Variants in CDC27 observed in about 807,000 individuals in gnomAD.
The protein encoded by CDC27 is cell division cycle protein 27 homolog.
In CDC27, 27 loss-of-function variants were observed where a neutral mutation model predicts 109.7. That is an observed-to-expected ratio of 0.25 (90% CI 0.18 to 0.34). The LOEUF (loss-of-function observed/expected upper bound fraction) is 0.34. CDC27 is among the 10% of genes least tolerant of loss of function. The pLI is 1.00. For synonymous variants in CDC27, 266 were observed against 333.9 expected, an observed-to-expected ratio of 0.80 and a Z score of 2.22; for missense variants, 579 against 960.2, an observed-to-expected ratio of 0.60 and a Z score of 5.25.
intron 1 of CDC27, among the ~76,000 whole-genome samples, chr17:47,184,829 A>G (rs571880831): frequency 1.6e-4 from 24 of 152,372 alleles, no homozygotes; most frequent in Non-Finnish European, 2.9e-4. Context: ...GAACAGGGCT[A>G]AAATCAGCAC....
intron 1 of CDC27, among the ~76,000 whole-genome samples, 186 bp from the exon 2 acceptor site, chr17:47,181,823 T>C (rs1455579108): frequency 6.6e-6 from 1 of 152,104 alleles, no homozygotes; most frequent in Non-Finnish European, 1.5e-5. Flanking sequence ...TCCTAACATA[T>C]CTGAATTTCC....
At chr17:47,172,113 A>G (rs770652924) in intron 2 of CDC27, 49 bp from the exon 3 acceptor site, 21 of 1,284,002 alleles carry the variant, frequency 1.6e-5, no homozygotes, top group Admixed American at 3.5e-5. Flanking sequence ...ATATTGAATG[A>G]TAATCAGTTT....
intron 4 of CDC27, among the ~76,000 whole-genome samples, chr17:47,168,999 T>C (rs9911450): frequency 6.8e-6 from 1 of 147,756 alleles, no homozygotes; most frequent in African/African-American, 2.6e-5. Context: ...TTTTTTCTTT[T>C]TTTTTTTTTG....
intron 14 of CDC27, among the ~76,000 whole-genome samples, 169 bp from the exon 15 acceptor site, chr17:47,132,543 G>C (rs1174736407): frequency 1.3e-5 from 2 of 151,726 alleles, no homozygotes; most frequent in South Asian, 4.2e-4. Context: ...AATCATTAAA[G>C]CATTTTATTT....
intron 4 of CDC27, among the ~76,000 whole-genome samples, chr17:47,161,483 G>A (rs1303164428): frequency 6.6e-6 from 1 of 152,190 alleles, no homozygotes; most frequent in East Asian, 1.9e-4. Flanking sequence ...AGGCACGGTG[G>A]CTCATGCCTG....
At chr17:47,159,552 T>C (rs369624230) in intron 4 of CDC27, 1 of 492,926 alleles carries the variant, frequency 2.0e-6, no homozygotes, top group African/African-American at 2.0e-5. Flanking sequence ...GGCTTGCCAA[T>C]CTTGTTCCCC....
intron 14 of CDC27, among the ~76,000 whole-genome samples, chr17:47,132,772 T>TTATTAC (rs2062389747): frequency 7.2e-6 from 1 of 138,504 alleles, no homozygotes; most frequent in Non-Finnish European, 1.5e-5. Flanking sequence ...ATTATTATTA[T>TTATTAC]TATTATTATA....
chr17:47,182,130 T>C (rs1192358464), intron 1 of CDC27, among the ~76,000 whole-genome samples: 1 of 152,324 alleles, frequency 6.6e-6, no homozygotes, highest in East Asian at 1.9e-4. Flanking sequence ...GTGATATACA[T>C]GACAGAGATA....
At chr17:47,127,554 C>T (rs1344157815) in intron 16 of CDC27, among the ~76,000 whole-genome samples, 1 of 151,982 alleles carries the variant, frequency 6.6e-6, no homozygotes, top group Non-Finnish European at 1.5e-5. Flanking sequence ...AGGTGCCCAC[C>T]ACCATGCCCG....
Position 47,157,306 on chromosome 17 carries a change from G to A in CDC27, c.554C>T (p.Thr185Ile). ...NFSNCLPNSC[T>I]TQVPNHSLSH... ...TAAACTATGATTAGGTACTTGTGTTGTGCAAGAGTTGGGCAGACAGTTGCT... is the reference window on the plus strand; with the variant it reads ...TAAACTATGATTAGGTACTTGTGTTATGCAAGAGTTGGGCAGACAGTTGCT... Residue 185 changes from threonine to isoleucine, a missense_variant, in exon 6 of 19, where the codon ACA (threonine) becomes ATA (isoleucine). Physicochemically the swap from Thr to Ile is moderately conservative, Grantham distance 89. This residue lies in a region of CDC27 where 57 missense variants were observed against 59.0 expected (regional missense o/e 0.97). Transcript: ENST00000066544. 6.2e-7 allele frequency: 1 copy of A among 1,612,232 alleles called. No individual in the cohort carries two copies. The highest frequency in any genetic ancestry group is 8.5e-7 in the Non-Finnish European group (1 of 1,178,672).
Position 47,122,435 on chromosome 17 carries a change from G to A in CDC27, c.2392+9C>T. 1 of 1,566,410 alleles carries A rather than the reference G, an allele frequency of 6.4e-7. No individual in the cohort carries two copies. The highest frequency in any genetic ancestry group is 2.3e-5 in the East Asian group (1 of 43,982). On this transcript the variant is annotated intron_variant, in intron 18 of 18. Coordinates refer to ENST00000066544, the MANE Select transcript of CDC27 (RefSeq NM_001256.6). ...TCTAAATACTCAAAATCATATGTAT[G>A]ATACTTACTGATCTGTTCTTCTTGG...
chr17:47,154,759 T>C lies in CDC27; in HGVS notation c.870A>G (p.Pro290=). The C allele has an allele frequency of 6.2e-7, 1 of 1,606,978 alleles. No homozygotes were observed. Among genetic ancestry groups the C allele is most frequent in the Non-Finnish European group, 8.5e-7 (1 of 1,174,228 alleles). The change falls in exon 8 of 19, where the codon CCA becomes CCG. Residue 290 remains proline, a synonymous_variant. Coordinates refer to ENST00000066544, the MANE Select transcript of CDC27 (RefSeq NM_001256.6). The part of the protein sequence containing the change: ...PSFGILPLET[P]SPGDGSYLQN... The stretch of plus-strand genomic sequence containing the variant: ...GTAAATAGGATCCATCTCCAGGACT[T>C]GGGGTTTCTAATGGCAAAATCCCAA...
chr17:47,167,781 T>C (rs1224373403), intron 4 of CDC27, among the ~76,000 whole-genome samples: 1 of 152,184 alleles, frequency 6.6e-6, no homozygotes, highest in African/African-American at 2.4e-5. Context: ...TCTGATACCA[T>C]CTACCTGTAG....
At position 47,138,908 on chromosome 17, in the gene CDC27, T is replaced by C; in HGVS notation, c.1552-17A>G. ...TCTTTCAGCCTGAAATAAAAAAAAC[T>C]AGTAAGAGAAAACAAGTTGATACAA... On this transcript the variant is annotated splice_polypyrimidine_tract_variant and intron_variant, in intron 12 of 18. Transcript: ENST00000066544. 6.6e-7 allele frequency: 1 copy of C among 1,522,584 alleles called. No individual in the cohort carries two copies. Among genetic ancestry groups the C allele is most frequent in the Non-Finnish European group, 8.9e-7 (1 of 1,123,380 alleles). 94.3% of individuals were successfully genotyped at this position (1,522,584 alleles called of 1,614,324 possible). A position where few individuals can be genotyped will look rare whatever the true frequency, so the allele number is the denominator to read the frequency against.
chr17:47,141,845 A>T lies in CDC27; in HGVS notation c.1551+8T>A, dbSNP rs201296720. The T allele has an allele frequency of 1.1e-5, 17 of 1,559,050 alleles. No individual in the cohort carries two copies. Among genetic ancestry groups the T allele is most frequent in the Non-Finnish European group, 1.4e-5 (16 of 1,154,518 alleles). Reference sequence around the variant, plus strand: ...AGAAAGGCATATATAACCATTTTCTATACTTACTTGCATGTACTCTGAAAG... The same window carrying T: ...AGAAAGGCATATATAACCATTTTCTTTACTTACTTGCATGTACTCTGAAAG... On this transcript the variant is annotated splice_region_variant and intron_variant, in intron 12 of 18. Transcript: ENST00000066544.
chr17:47,143,954 T>C lies in CDC27; in HGVS notation c.1099A>G (p.Ile367Val), dbSNP rs778807988. ...GGCAGTGCGTTTGGGGGAGATGTAA[T>C]AGTGGGGCTCAATACCTGAGGTGTT... is the stretch of plus-strand genomic sequence containing the variant. ...STTPQVLSPT[I>V]TSPPNALPRR... The change falls in exon 10 of 19, where the codon ATT (isoleucine) becomes GTT (valine). Residue 367 changes from isoleucine to valine, a missense_variant. By Grantham distance (29) the Ile-to-Val change is conservative (BLOSUM62 3). Around this residue, in one of 9 missense-constraint regions of CDC27, gnomAD observed 51 missense variants for 43.8 expected, o/e 1.16. Coordinates refer to ENST00000066544, the MANE Select transcript of CDC27 (RefSeq NM_001256.6). 5.1e-5 allele frequency: 75 copies of C among 1,477,614 alleles called. No individual in the cohort carries two copies. The highest frequency in any genetic ancestry group is 6.3e-5 in the Non-Finnish European group (70 of 1,105,734). The allele number at this position is 1,477,614 out of a possible 1,614,324, so 91.5% of individuals were successfully genotyped here. A position where few individuals can be genotyped will look rare whatever the true frequency, so the allele number is the denominator to read the frequency against.
chr17:47,159,776 G>T, intron 4 of CDC27: 1 of 427,650 alleles, frequency 2.3e-6, no homozygotes, highest in Non-Finnish European at 4.5e-6. Flanking sequence ...CTTGAGAGAG[G>T]CCCCCAGGAA....
At chr17:47,133,010 T>TATATATATATATAC (rs2062407053) in intron 14 of CDC27, among the ~76,000 whole-genome samples, 11 of 42,246 alleles carry the variant, frequency 2.6e-4, no homozygotes, top group South Asian at 1.7e-3. Flanking sequence ...TATATATATA[T>TATATATATATATAC]ATATATATAT....
chr17:47,158,391 A>G, intron 4 of CDC27, 88 bp from the exon 5 acceptor site: 1 of 532,230 alleles, frequency 1.9e-6, no homozygotes, highest in Non-Finnish European at 3.0e-6. Context: ...GGTAAAAGTT[A>G]CAGAAGTTCA....
Sources: gnomAD v4.1 joint callset for allele counts (sites outside exome capture counted in the v4.1 genomes callset) on GRCh38, gnomAD v4.1.1 for gene constraint, gnomAD v4.1.1 regional missense constraint, MANE v1.5 for transcripts, NCBI Gene and HGNC (gene_info 2026-07-23, HGNC 2026-07-21) for gene names.